The following ADGRL4 variants were observed in gnomAD, a reference collection of about 807,000 sequenced individuals.
ADGRL4 encodes EGF, latrophilin and seven transmembrane domain containing 1.
Under a neutral mutation model 74.8 loss-of-function variants are expected in ADGRL4, and 90 were observed. The observed-to-expected ratio is 1.20, with a 90% CI of 1.02 to 1.43. The LOEUF (loss-of-function observed/expected upper bound fraction) is 1.43. Ranked by LOEUF, ADGRL4 falls within the 40% of genes most tolerant of loss-of-function variation. The probability of loss-of-function intolerance (pLI) is 0.00; values close to 1 mark genes in which losing one functional copy is unlikely to be tolerated. For missense variants in ADGRL4, 881 were observed against 814.3 expected (o/e 1.08, Z -1.00); for synonymous variants, 311 against 279.2 (o/e 1.11, Z -1.14).
chr1:78,977,136 A>G (rs1650302233), intron 2 of ADGRL4, among the ~76,000 whole-genome samples: 1 of 151,800 alleles, frequency 6.6e-6, no homozygotes, highest in Non-Finnish European at 1.5e-5. Context: ...AGATAAACAC[A>G]ATATAATTCA....
intron 2 of ADGRL4, among the ~76,000 whole-genome samples, chr1:78,971,736 C>T (rs7550616): frequency 0.59 from 90,050 of 152,078 alleles, 26,873 homozygotes; most frequent in East Asian, 0.72. Flanking sequence ...GAATTAATGA[C>T]GTTCATTGCA....
intron 7 of ADGRL4, among the ~76,000 whole-genome samples, chr1:78,928,346 G>C (rs769283005): frequency 8.6e-5 from 13 of 151,064 alleles, no homozygotes; most frequent in Admixed American, 2.6e-4. Context: ...CCATTCCCAG[G>C]GTTTTGAACT....
chr1:79,004,851 C>CA (rs1570284309), intron 2 of ADGRL4, among the ~76,000 whole-genome samples: 1 of 151,978 alleles, frequency 6.6e-6, no homozygotes, highest in East Asian at 1.9e-4. Context: ...ATATTTGCAC[C>CA]AAAAAATAAG....
chr1:78,898,518 T>G (rs1648446356), intron 12 of ADGRL4, among the ~76,000 whole-genome samples: 1 of 152,084 alleles, frequency 6.6e-6, no homozygotes, highest in South Asian at 2.1e-4. Flanking sequence ...CTCATTTTTT[T>G]TTTTTTAACG....
intron 9 of ADGRL4, 52 bp downstream of exon 9, chr1:78,921,561 A>C: frequency 2.5e-6 from 3 of 1,213,138 alleles, no homozygotes; most frequent in Non-Finnish European, 3.3e-6. Flanking sequence ...ATGATGCGGA[A>C]AAAAAACAGA....
chr1:78,913,312 G>T (rs1474186825), intron 12 of ADGRL4, among the ~76,000 whole-genome samples: 1 of 151,688 alleles, frequency 6.6e-6, no homozygotes, highest in Non-Finnish European at 1.5e-5. Flanking sequence ...AATATAAATT[G>T]TTCTATCATA....
At chr1:78,901,281 T>G (rs1181691775) in intron 12 of ADGRL4, among the ~76,000 whole-genome samples, 2 of 152,208 alleles carry the variant, frequency 1.3e-5, no homozygotes, top group Admixed American at 6.6e-5. Flanking sequence ...TCTGAGGACA[T>G]TGGCTTCTTA....
chr1:78,975,623 A>G (rs1315344562), intron 2 of ADGRL4, among the ~76,000 whole-genome samples: 1 of 151,902 alleles, frequency 6.6e-6, no homozygotes, highest in East Asian at 1.9e-4. Context: ...GGTTATCTTG[A>G]TATTTACATG....
chr1:78,891,550 A>C lies in ADGRL4; in HGVS notation c.1984T>G (p.Leu662Val), dbSNP rs755609733. Residue 662 changes from leucine (L) to valine (V), a missense_variant, in exon 14 of 15, where the codon TTA (leucine) becomes GTA (valine). By Grantham distance (32) the Leu-to-Val change is conservative. Coordinates refer to ENST00000370742, the MANE Select transcript of ADGRL4 (RefSeq NM_022159.4). The part of the protein sequence containing the change: ...SNAFQGMFIF[L>V]FLCVLSRKIQ... ...TTTCTAGATAAAACACACAGGAATAAAAAAATGAACATCCCCTGGAAAGCA... is the reference window on the plus strand; with the variant it reads ...TTTCTAGATAAAACACACAGGAATACAAAAATGAACATCCCCTGGAAAGCA... 1 of 1,613,394 alleles carries C rather than the reference A, an allele frequency of 6.2e-7. No individual in the cohort carries two copies. The highest frequency in any genetic ancestry group is 8.5e-7 in the Non-Finnish European group (1 of 1,179,690).
chr1:78,969,498 C>A (rs552778883), intron 2 of ADGRL4, among the ~76,000 whole-genome samples: 1 of 152,260 alleles, frequency 6.6e-6, no homozygotes, highest in Non-Finnish European at 1.5e-5. Context: ...GATCACCCAA[C>A]TCACAGATAT....
intron 7 of ADGRL4, among the ~76,000 whole-genome samples, chr1:78,933,423 CAT>C (rs1249969134): frequency 6.6e-6 from 1 of 151,370 alleles, no homozygotes; most frequent in East Asian, 1.9e-4. Context: ...ACTGATGAAA[CAT>C]ATCTTAAAAT....
At chr1:78,921,810 T>TG (rs775579623) in intron 8 of ADGRL4, 24 bp from the exon 9 acceptor site, 165 of 1,377,772 alleles carry the variant, frequency 1.2e-4, no homozygotes, top group Non-Finnish European at 1.5e-4. Context: ...ACTTTACTGA[T>TG]GAAAAAAGAG....
intron 2 of ADGRL4, among the ~76,000 whole-genome samples, chr1:79,001,696 C>A (rs1166066568): frequency 6.6e-6 from 1 of 151,958 alleles, no homozygotes; most frequent in Non-Finnish European, 1.5e-5. Context: ...AGCTGACAGA[C>A]CATCTTTTTA....
chr1:78,987,906 T>G (rs536778116), intron 2 of ADGRL4, among the ~76,000 whole-genome samples: 1 of 151,898 alleles, frequency 6.6e-6, no homozygotes, highest in South Asian at 2.1e-4. Context: ...TTGTCTTTTT[T>G]TAATACATAC....
In ADGRL4 at chr1:78,936,323, T is replaced by C; in HGVS notation, c.849A>G (p.Pro283=). The change falls in exon 7 of 15, where the codon CCA becomes CCG. Residue 283 remains proline, a synonymous_variant. Coordinates refer to ENST00000370742, the MANE Select transcript of ADGRL4 (RefSeq NM_022159.4). ...TTGAATCATATGCAGCTTTTCTCTT[T>C]GGAAATATATTTATGTAGTCTCCAT... The part of the protein sequence containing the change: ...NMDGDYINIF[P]KRKAAYDSNG... 2 of 1,595,096 alleles carry C rather than the reference T, an allele frequency of 1.3e-6. No homozygotes were observed. Among genetic ancestry groups the C allele is most frequent in the Non-Finnish European group, 1.7e-6 (2 of 1,172,648 alleles).
chr1:79,006,674 G>A lies in ADGRL4; in HGVS notation c.-20C>T. ...TTTCATTGGCGGTGGCCGCAGTGGT[G>A]GCGGTGGCGGAGAGCGCGGCGGAGT... On this transcript the variant is annotated 5_prime_UTR_variant, in exon 1 of 15. Coordinates refer to ENST00000370742, the MANE Select transcript of ADGRL4 (RefSeq NM_022159.4). The A allele has an allele frequency of 6.7e-7, 1 of 1,488,390 alleles. No homozygotes were observed. The highest frequency in any genetic ancestry group is 8.9e-7 in the Non-Finnish European group (1 of 1,121,056). 92.2% of individuals were successfully genotyped at this position (1,488,390 alleles called of 1,614,324 possible). A position where few individuals can be genotyped will look rare whatever the true frequency, so the allele number is the denominator to read the frequency against.
chr1:78,891,538 C>G lies in ADGRL4; in HGVS notation c.1996G>C (p.Val666Leu). 6.2e-7 allele frequency: 1 copy of G among 1,612,842 alleles called. No homozygotes were observed. Among genetic ancestry groups the G allele is most frequent in the Non-Finnish European group, 8.5e-7 (1 of 1,179,520 alleles). ...AAATTGTTTACCTTTCTAGATAAAA[C>G]ACACAGGAATAAAAAAATGAACATC... ...QGMFIFLFLC[V>L]LSRKIQEEYY... Residue 666 changes from valine to leucine, a missense_variant, in exon 14 of 15, where the codon GTT (valine) becomes CTT (leucine). Coordinates refer to ENST00000370742, the MANE Select transcript of ADGRL4 (RefSeq NM_022159.4).
At chr1:78,972,873 C>T (rs543023314) in intron 2 of ADGRL4, among the ~76,000 whole-genome samples, 101 of 152,262 alleles carry the variant, frequency 6.6e-4, no homozygotes, top group African/African-American at 2.4e-3. Flanking sequence ...TCCCAGTCTG[C>T]ACCAAAAGTG....
chr1:79,005,236 A>T lies in ADGRL4; in HGVS notation c.23-17T>A, dbSNP rs371538925. The T allele has an allele frequency of 2.7e-5, 42 of 1,577,552 alleles. No homozygotes were observed. The highest frequency in any genetic ancestry group is 3.4e-5 in the Non-Finnish European group (40 of 1,161,562). ...AAAAAACCACTAAATAAAATAGAGAAATACACCTTTTCAAAAAGTAAAACA... is the reference window on the plus strand; with the variant it reads ...AAAAAACCACTAAATAAAATAGAGATATACACCTTTTCAAAAAGTAAAACA... On this transcript the variant is annotated splice_polypyrimidine_tract_variant and intron_variant, in intron 1 of 14. Coordinates refer to ENST00000370742, the MANE Select transcript of ADGRL4 (RefSeq NM_022159.4).
Sources: gnomAD v4.1 joint callset for allele counts (sites outside exome capture counted in the v4.1 genomes callset) on GRCh38, gnomAD v4.1.1 for gene constraint, MANE v1.5 for transcripts, NCBI Gene and HGNC (gene_info 2026-07-23, HGNC 2026-07-21) for gene names.